The following PROX1 variants were observed in gnomAD, a reference collection of about 807,000 sequenced individuals.
PROX1 encodes prospero homeobox 1.
In PROX1, 7 loss-of-function variants were observed where a neutral mutation model predicts 58.8. The observed-to-expected ratio is 0.12, with a 90% CI of 0.07 to 0.22. PROX1 has a LOEUF of 0.22. Among genes scored for constraint, PROX1 ranks in the 10% least tolerant of loss-of-function variants. PROX1 has a pLI of 1.00. For synonymous variants in PROX1, 350 were observed against 358.3 expected (o/e 0.98, Z 0.26); for missense variants, 675 against 927.8 (o/e 0.73, Z 3.54).
chr1:214,004,533 T>C (rs1663637380), intron 2 of PROX1, among the ~76,000 whole-genome samples: 1 of 152,150 alleles, frequency 6.6e-6, no homozygotes, highest in African/African-American at 2.4e-5. Context: ...CCCCTCCCTG[T>C]CCTCTCCATG....
rs191698610 is a variant in PROX1, at chr1:214,013,243, T to C, written c.2028+1528T>C. Reference sequence around the variant, plus strand: ...TTAAAATCTGTTTTTAAAGTCTCAGTTGTAATAGAGCACTGGCTCACTATA... The same window carrying C: ...TTAAAATCTGTTTTTAAAGTCTCAGCTGTAATAGAGCACTGGCTCACTATA... On this transcript the variant is annotated intron_variant, in intron 4 of 4. Transcript: ENST00000366958. Among the ~76,000 whole-genome samples the C allele has an allele frequency of 2.0e-5, 3 of 152,204 alleles. No homozygotes were observed. In the East Asian group the frequency reaches 5.8e-4, roughly 29 times the overall value.
At chr1:213,995,463 GTT>G (rs58470774) in intron 1 of PROX1, among the ~76,000 whole-genome samples, 26,774 of 145,660 alleles carry the variant, frequency 0.18, 2,433 homozygotes, top group Admixed American at 0.25. Context: ...AGTTTTTTCT[GTT>G]TTTTTTTTTC....
At chr1:214,029,349 T>C (rs1161308873) in intron 4 of PROX1, 3 of 152,250 alleles carry the variant, frequency 2.0e-5, no homozygotes, top group Non-Finnish European at 4.4e-5. Context: ...GAGCTAATGA[T>C]GCAGATGCAG....
chr1:213,994,232 G>A (rs540425804), intron 1 of PROX1, among the ~76,000 whole-genome samples: 1 of 152,272 alleles, frequency 6.6e-6, no homozygotes, highest in Non-Finnish European at 1.5e-5. Flanking sequence ...GTCCAGTTTG[G>A]GTGTTAGGGT....
rs1664964418 is a variant in PROX1, at chr1:214,040,138, C to T, written c.*4304C>T. The T allele has an allele frequency of 6.6e-6, 1 of 152,160 alleles. No homozygotes were observed. 9.4% of individuals were successfully genotyped at this position (152,160 alleles called of 1,614,324 possible). ...ATATGAGTAAGCAGTTACCGTATTG[C>T]ACTTAAATGTTATGTTGAAGGAAAT... On this transcript the variant is annotated 3_prime_UTR_variant, in exon 5 of 5. Coordinates refer to ENST00000366958, the MANE Select transcript of PROX1 (RefSeq NM_001270616.2).
chr1:214,025,107 G>A (rs1664407195), intron 4 of PROX1, among the ~76,000 whole-genome samples: 1 of 152,198 alleles, frequency 6.6e-6, no homozygotes, highest in South Asian at 2.1e-4. Flanking sequence ...ATTTAAATAT[G>A]TACTGGCAGG....
At chr1:214,023,313 C>G (rs1382020701) in intron 4 of PROX1, among the ~76,000 whole-genome samples, 1 of 151,906 alleles carries the variant, frequency 6.6e-6, no homozygotes, top group Non-Finnish European at 1.5e-5. Flanking sequence ...TACGTCTCCT[C>G]TCTTTCAGAG....
In PROX1 at chr1:213,998,040, G is replaced by C. The variant is rs1269294198; in HGVS notation, c.1505G>C (p.Gly502Ala). 2 of 1,611,924 alleles carry C rather than the reference G, an allele frequency of 1.2e-6. No individual in the cohort carries two copies. The highest frequency in any genetic ancestry group is 2.7e-5 in the African/African-American group (2 of 74,844). The change falls in exon 2 of 5, where the codon GGC (glycine) becomes GCC (alanine). Residue 502 changes from glycine (G) to alanine (A), a missense_variant. This residue lies in a region of PROX1 where 403 missense variants were observed against 477.4 expected (regional missense o/e 0.84). Coordinates refer to ENST00000366958, the MANE Select transcript of PROX1 (RefSeq NM_001270616.2). The part of the protein sequence containing the change: ...PFQSPLGAPS[G>A]SFSGKDRASP... Reference sequence around the variant, plus strand: ...CAGAGCCCATTAGGTGCTCCCTCCGGCTCCTTCTCTGGAAAAGACAGAGCC... The same window carrying C: ...CAGAGCCCATTAGGTGCTCCCTCCGCCTCCTTCTCTGGAAAAGACAGAGCC...
At chr1:213,999,660 G>A (rs1343062118) in intron 2 of PROX1, among the ~76,000 whole-genome samples, 1 of 152,160 alleles carries the variant, frequency 6.6e-6, no homozygotes, top group East Asian at 1.9e-4. Flanking sequence ...AGAAAGGGAA[G>A]AGAAAGATGT....
At chr1:214,023,879 G>C (rs1664366592) in intron 4 of PROX1, among the ~76,000 whole-genome samples, 1 of 152,194 alleles carries the variant, frequency 6.6e-6, no homozygotes, top group Non-Finnish European at 1.5e-5. Flanking sequence ...AGGGAGGGAT[G>C]GTTTGAGTAG....
chr1:214,017,105 T>C (rs1664123242), intron 4 of PROX1, among the ~76,000 whole-genome samples: 1 of 152,108 alleles, frequency 6.6e-6, no homozygotes, highest in South Asian at 2.1e-4. Flanking sequence ...CTATATCACA[T>C]AATTATACAG....
At position 214,036,588 on chromosome 1, in the gene PROX1, G is replaced by A. The variant is rs1030898200; in HGVS notation, c.*754G>A. On this transcript the variant is annotated 3_prime_UTR_variant, in exon 5 of 5. Coordinates refer to ENST00000366958, the MANE Select transcript of PROX1 (RefSeq NM_001270616.2). ...GCCACCTCTCTAAACTTGAAAATAG[G>A]TTCTTCTTCATAAGTGAGCTTACAT... The A allele has an allele frequency of 1.8e-4, 28 of 152,226 alleles. No homozygotes were observed. Among genetic ancestry groups the A allele is most frequent in the Admixed American group, 2.0e-4 (3 of 15,290 alleles). The allele number at this position is 152,226 out of a possible 1,614,324, so 9.4% of individuals were successfully genotyped here. A position where few individuals can be genotyped will look rare whatever the true frequency, so the allele number is the denominator to read the frequency against.
intron 4 of PROX1, among the ~76,000 whole-genome samples, chr1:214,018,630 G>A (rs1199365620): frequency 6.6e-6 from 1 of 152,188 alleles, no homozygotes; most frequent in African/African-American, 2.4e-5. Flanking sequence ...TCGTTCTTCC[G>A]AGGAGAGCAG....
chr1:214,034,259 C>T lies in PROX1; in HGVS notation c.2029-1390C>T, dbSNP rs1376217056. On this transcript the variant is annotated intron_variant, in intron 4 of 4. Transcript: ENST00000366958. The stretch of plus-strand genomic sequence containing the variant: ...CAGTTACTACTATTGTTAAAAAGTA[C>T]ATTGCACCCAAGGTGGGAAGAAAGA... Among the ~76,000 whole-genome samples, 3 of 152,284 alleles carry T rather than the reference C, an allele frequency of 2.0e-5. No homozygotes were observed. The East Asian group carries it at 5.8e-4, about 29-fold the overall frequency.
chr1:213,992,204 G>GAATCTTAAATGA (rs143028850), intron 1 of PROX1, among the ~76,000 whole-genome samples: 1 of 152,152 alleles, frequency 6.6e-6, no homozygotes, highest in Non-Finnish European at 1.5e-5. Context: ...TGGGATGGGA[G>GAATCTTAAATGA]AATCTTAAAT....
chr1:213,991,761 A>G (rs1237454124), intron 1 of PROX1, among the ~76,000 whole-genome samples: 1 of 152,220 alleles, frequency 6.6e-6, no homozygotes, highest in Non-Finnish European at 1.5e-5. Flanking sequence ...TTAAAACTCA[A>G]ACAGGCCTCT....
intron 4 of PROX1, among the ~76,000 whole-genome samples, chr1:214,033,115 A>C (rs191404238): frequency 1.3e-4 from 20 of 152,124 alleles, no homozygotes; most frequent in Non-Finnish European, 2.2e-4. Flanking sequence ...CCTCCTGTGC[A>C]GTTCTTGGTG....
intron 4 of PROX1, among the ~76,000 whole-genome samples, chr1:214,034,434 GC>G (rs958978768): frequency 1.1e-4 from 16 of 152,124 alleles, no homozygotes; most frequent in Non-Finnish European, 1.6e-4. Context: ...TCATACGTCT[GC>G]ACTTAATGTA....
chr1:214,038,456 T>G lies in PROX1; in HGVS notation c.*2622T>G, dbSNP rs1664900254. 2 of 152,012 alleles carry G rather than the reference T, an allele frequency of 1.3e-5. No individual in the cohort carries two copies. Among genetic ancestry groups the G allele is most frequent in the Admixed American group, 6.6e-5 (1 of 15,258 alleles). The allele number at this position is 152,012 out of a possible 1,614,324, so 9.4% of individuals were successfully genotyped here. On this transcript the variant is annotated 3_prime_UTR_variant, in exon 5 of 5. Coordinates refer to ENST00000366958, the MANE Select transcript of PROX1 (RefSeq NM_001270616.2). ...CTCTCACCAAGTGAAAATTGGCTAC[T>G]TGGGAGAAAGTTAACTTTCTATGGT...
Sources: allele counts gnomAD v4.1 joint callset (sites outside exome capture counted in the v4.1 genomes callset), GRCh38; gene constraint gnomAD v4.1.1; regional missense constraint gnomAD v4.1.1; transcripts MANE v1.5; gene names NCBI Gene and HGNC (gene_info 2026-07-23, HGNC 2026-07-21).